The following GNA12 variants were observed in gnomAD, a reference collection of about 807,000 sequenced individuals.
The protein encoded by GNA12 is guanine nucleotide-binding protein subunit alpha-12.
In GNA12, 9 loss-of-function variants were observed where a neutral mutation model predicts 26.0. The ratio of observed to expected loss-of-function variants is 0.35; its 90% CI spans 0.21 to 0.60. GNA12 has a LOEUF of 0.60. Ranked by LOEUF, GNA12 falls within the 20% of genes least tolerant of loss-of-function variation. The pLI is 0.78. For synonymous variants in GNA12, 264 were observed against 219.6 expected, an observed-to-expected ratio of 1.20 and a Z score of -1.79; for missense variants, 405 against 525.8, an observed-to-expected ratio of 0.77 and a Z score of 2.25.
intron 1 of GNA12, among the ~76,000 whole-genome samples, chr7:2,837,472 G>C (rs567150430): frequency 6.6e-6 from 1 of 152,234 alleles, no homozygotes; most frequent in South Asian, 2.1e-4. Flanking sequence ...AGACATAAAT[G>C]TACAGATTCA....
At chr7:2,755,943 AT>A (rs1276542122) in intron 2 of GNA12, among the ~76,000 whole-genome samples, 1 of 152,026 alleles carries the variant, frequency 6.6e-6, no homozygotes. Context: ...CCCAGCAGGC[AT>A]TTTTTTTGGT....
At chr7:2,825,650 G>A (rs183445250) in intron 1 of GNA12, among the ~76,000 whole-genome samples, 18 of 152,260 alleles carry the variant, frequency 1.2e-4, no homozygotes, top group Non-Finnish European at 1.6e-4. Context: ...GCTGAGGGCC[G>A]CTATAGTTTT....
intron 1 of GNA12, chr7:2,814,502 A>C: frequency 1.3e-6 from 1 of 750,576 alleles, no homozygotes; most frequent in African/African-American, 1.7e-5. Flanking sequence ...AAAGACACAA[A>C]CCAAGACTTT....
chr7:2,750,511 C>T (rs2115359156), intron 2 of GNA12, among the ~76,000 whole-genome samples: 1 of 152,310 alleles, frequency 6.6e-6, no homozygotes, highest in East Asian at 1.9e-4. Context: ...TACCTATGGT[C>T]AAGTTTAATT....
chr7:2,819,455 A>G (rs1793297502), intron 1 of GNA12, among the ~76,000 whole-genome samples: 2 of 152,242 alleles, frequency 1.3e-5, no homozygotes, highest in African/African-American at 4.8e-5. Flanking sequence ...AATTTGTTAC[A>G]GTGGCAACAG....
At chr7:2,789,740 C>T (rs1210297989) in intron 2 of GNA12, among the ~76,000 whole-genome samples, 1 of 152,196 alleles carries the variant, frequency 6.6e-6, no homozygotes, top group Non-Finnish European at 1.5e-5. Context: ...CAGCATCTCC[C>T]TGGCCATGTG....
chr7:2,762,968 T>C (rs1791638344), intron 2 of GNA12: 4 of 1,354,318 alleles, frequency 3.0e-6, no homozygotes, highest in Non-Finnish European at 3.8e-6. Context: ...GGTCTCCTGC[T>C]CCTCAGAAAG....
intron 1 of GNA12, among the ~76,000 whole-genome samples, chr7:2,831,457 GCA>G (rs1778653219): frequency 4.6e-5 from 4 of 87,568 alleles, no homozygotes; most frequent in African/African-American, 9.2e-5. Context: ...AGGCTGGAGT[GCA>G]GTGGCGCGAT....
chr7:2,747,811 G>A (rs1375065545), intron 2 of GNA12, among the ~76,000 whole-genome samples: 1 of 152,000 alleles, frequency 6.6e-6, no homozygotes, highest in Admixed American at 6.6e-5. Context: ...AAGCTGATAA[G>A]CAACTTCAGG....
intron 2 of GNA12, chr7:2,764,917 AG>A (rs1371408310): frequency 6.6e-6 from 1 of 152,260 alleles, no homozygotes; most frequent in East Asian, 1.9e-4. Flanking sequence ...GCTTCTGTTC[AG>A]GTGAATGCAC....
At position 2,743,250 on chromosome 7, in the gene GNA12, G is replaced by C. The variant is rs1486146642; in HGVS notation, c.526-9749C>G. ...CAACCACCAGCACAGGCATGACCAA[G>C]TTGGCAGTTTGGGTCTCACCAAGTT... is the stretch of plus-strand genomic sequence containing the variant. On this transcript the variant is annotated intron_variant, in intron 2 of 3. Coordinates refer to ENST00000275364, the MANE Select transcript of GNA12 (RefSeq NM_007353.3). 5.3e-5 allele frequency among the ~76,000 whole-genome samples: 8 copies of C among 152,328 alleles called. No homozygotes were observed. In the East Asian group the frequency reaches 5.8e-4, roughly 11 times the overall value.
At chr7:2,743,887 C>G (rs532031107) in intron 2 of GNA12, among the ~76,000 whole-genome samples, 2 of 152,034 alleles carry the variant, frequency 1.3e-5, no homozygotes, top group Non-Finnish European at 2.9e-5. Context: ...GCACCTGGCT[C>G]GGAGGGTCCT....
intron 2 of GNA12, among the ~76,000 whole-genome samples, chr7:2,766,449 C>T (rs945897584): frequency 2.0e-5 from 3 of 149,886 alleles, no homozygotes; most frequent in African/African-American, 7.4e-5. Context: ...GCAGTGGTGC[C>T]ATCTTGGCTC....
intron 1 of GNA12, among the ~76,000 whole-genome samples, chr7:2,833,242 G>A (rs1376437990): frequency 6.6e-6 from 1 of 152,178 alleles, no homozygotes; most frequent in African/African-American, 2.4e-5. Flanking sequence ...GGTGATGCAA[G>A]TTAAGCCCTA....
intron 1 of GNA12, among the ~76,000 whole-genome samples, chr7:2,839,061 T>C (rs1778917478): frequency 6.6e-6 from 1 of 152,214 alleles, no homozygotes; most frequent in African/African-American, 2.4e-5. Context: ...TACGCGTTTA[T>C]CATGTACTTA....
intron 2 of GNA12, among the ~76,000 whole-genome samples, chr7:2,755,483 T>C (rs576989042): frequency 6.6e-6 from 1 of 152,234 alleles, no homozygotes; most frequent in Non-Finnish European, 1.5e-5. Context: ...TACACCACAG[T>C]ATTTCATTTT....
At chr7:2,813,871 G>A (rs927655211) in intron 1 of GNA12, among the ~76,000 whole-genome samples, 5 of 152,118 alleles carry the variant, frequency 3.3e-5, no homozygotes, top group Admixed American at 3.3e-4. Context: ...GAGGGTGCTC[G>A]AGATGACATT....
rs976655623 is a variant in GNA12, at chr7:2,731,962, A to G, written c.577-212T>C. 9.9e-5 allele frequency among the ~76,000 whole-genome samples: 15 copies of G among 152,246 alleles called. No individual in the cohort carries two copies. The highest frequency in any genetic ancestry group is 3.6e-4 in the African/African-American group (15 of 41,466). Reference sequence around the variant, plus strand: ...TTCATTTCAAAACGAACGGAGGCTCACCAGTCTGAGGACGAATGCTCAGAA... The same window carrying G: ...TTCATTTCAAAACGAACGGAGGCTCGCCAGTCTGAGGACGAATGCTCAGAA... On this transcript the variant is annotated intron_variant, in intron 3 of 3. Coordinates refer to ENST00000275364, the MANE Select transcript of GNA12 (RefSeq NM_007353.3). The surrounding 1 kb of genome is among the most constrained non-coding windows in gnomAD (Gnocchi z 6.0).
intron 1 of GNA12, among the ~76,000 whole-genome samples, chr7:2,836,821 G>C (rs947404867): frequency 3.9e-5 from 6 of 152,308 alleles, no homozygotes; most frequent in African/African-American, 1.4e-4. Flanking sequence ...CTACTTGGGA[G>C]GCTGAGGCAG....
Sources: allele counts gnomAD v4.1 joint callset (sites outside exome capture counted in the v4.1 genomes callset), GRCh38; gene constraint gnomAD v4.1.1; non-coding constraint Gnocchi (gnomAD v3.1); transcripts MANE v1.5; gene names NCBI Gene and HGNC (gene_info 2026-07-23, HGNC 2026-07-21).